The following CSF2RA variants were observed in gnomAD, a reference collection of about 807,000 sequenced individuals.
The protein encoded by CSF2RA is colony stimulating factor 2 receptor subunit alpha.
A neutral mutation model predicts 51.6 loss-of-function variants in CSF2RA; 42 were observed. The observed-to-expected ratio is 0.81, with a 90% confidence interval of 0.64 to 1.05. The LOEUF (loss-of-function observed/expected upper bound fraction) is 1.05. CSF2RA is among the 50% of genes least tolerant of loss of function. The pLI, the probability that CSF2RA is intolerant of heterozygous loss-of-function variation, is 0.00. For missense variants in CSF2RA, 530 were observed against 501.1 expected, an observed-to-expected ratio of 1.06 and a Z score of -0.55; for synonymous variants, 222 against 193.0, an observed-to-expected ratio of 1.15 and a Z score of -1.24.
chrX:1,287,797 C>T lies in CSF2RA; in HGVS notation c.220-722C>T, dbSNP rs756319347. ...TGTCACCCAGGCTGGAGTGCACTGG[C>T]GTGATCTCAGCTCACTGCAACCTGT... On this transcript the variant is annotated intron_variant, in intron 4 of 12. Transcript: ENST00000381529. 2.2e-4 allele frequency among the ~76,000 whole-genome samples: 30 copies of T among 134,492 alleles called. 2 individuals are homozygous for T. The South Asian group carries it at 3.9e-3, about 17-fold the overall frequency. 88.2% of individuals were successfully genotyped at this position (134,492 alleles called of 152,430 possible).
chrX:1,320,664 ATTTTTTTT>A, the CSF2RA span, among the ~76,000 whole-genome samples: 28 of 123,378 alleles, frequency 2.3e-4, no homozygotes, highest in African/African-American at 2.9e-4. Context: ...TGCCCAGCTA[ATTTTTTTT>A]TTTTTTTTTT....
At chrX:1,277,170 T>G (rs1201077558) in intron 2 of CSF2RA, among the ~76,000 whole-genome samples, 1 of 152,016 alleles carries the variant, frequency 6.6e-6, no homozygotes, top group African/African-American at 2.4e-5. Flanking sequence ...ACAGAAAGCT[T>G]AGAAGTCGCT....
rs1243694568 is a variant in CSF2RA at position 1,290,492 on chromosome X, T to C, written c.629T>C (p.Leu210Ser). 1 of 1,613,892 alleles carries C rather than the reference T, an allele frequency of 6.2e-7. No individual in the cohort carries two copies. The highest frequency in any genetic ancestry group is 8.5e-7 in the Non-Finnish European group (1 of 1,179,808). ...GGCATCCAATTCTTTGATTCACTTT[T>C]GGACACAAAGAAAATAGGTGAGAAT... ...EIGIQFFDSL[L>S]DTKKIERFNP... is the part of the protein sequence containing the mutation. Residue 210 changes from leucine to serine, a missense_variant, in exon 7 of 13, where the codon TTG (leucine) becomes TCG (serine). Leu to Ser is a moderately radical substitution (Grantham distance 145). Transcript: ENST00000381529.
At position 1,303,519 on chromosome X, in the gene CSF2RA, T is replaced by C. The variant is rs1474419866; in HGVS notation, c.947-404T>C. On this transcript the variant is annotated intron_variant, in intron 10 of 12. Transcript: ENST00000381529. ...CCTCCCAAAGTGCTGGGATGACAGGTGTGAGCCACCGTGCCTGGCCCAATT... is the reference window on the plus strand; with the variant it reads ...CCTCCCAAAGTGCTGGGATGACAGGCGTGAGCCACCGTGCCTGGCCCAATT... Among the ~76,000 whole-genome samples, 3 of 150,414 alleles carry C rather than the reference T, an allele frequency of 2.0e-5. No homozygotes were observed. In the South Asian group the frequency reaches 6.4e-4, roughly 32 times the overall value.
chrX:1,301,596 T>C (rs1157743367), intron 10 of CSF2RA, among the ~76,000 whole-genome samples: 1 of 25,986 alleles, frequency 3.8e-5, no homozygotes, highest in African/African-American at 1.1e-4. Context: ...TCTTTTTTTC[T>C]TTTTTTTTTT....
chrX:1,295,939 C>A lies in CSF2RA; in HGVS notation c.810+483C>A, dbSNP rs2091903987. Among the ~76,000 whole-genome samples, 2 of 151,148 alleles carry A rather than the reference C, an allele frequency of 1.3e-5. 1 individual carries two copies. Among genetic ancestry groups the A allele is most frequent in the African/African-American group, 4.9e-5 (2 of 40,974 alleles). On this transcript the variant is annotated intron_variant, in intron 9 of 12. Transcript: ENST00000381529. ...GACCTCCAGCGTAACCCTACAGTCC[C>A]CTACTCACCACATCTAGTGTAACTC...
At chrX:1,316,008 ATAG>A in the CSF2RA span, among the ~76,000 whole-genome samples, 1 of 124,680 alleles carries the variant, frequency 8.0e-6, no homozygotes, top group Non-Finnish European at 1.7e-5. Flanking sequence ...AGACAGATAG[ATAG>A]ATATATAGAT....
At chrX:1,272,644 C>T (rs1285042259) in intron 1 of CSF2RA, among the ~76,000 whole-genome samples, 11 of 151,564 alleles carry the variant, frequency 7.3e-5, no homozygotes, top group Non-Finnish European at 1.3e-4. Flanking sequence ...CCCGCCACTA[C>T]GCCCAGCTAA....
At chrX:1,296,679 T>A (rs1262017607) in intron 9 of CSF2RA, among the ~76,000 whole-genome samples, 1 of 39,902 alleles carries the variant, frequency 2.5e-5, no homozygotes, top group African/African-American at 9.6e-5. Context: ...CTCCTACCCA[T>A]GACCCCTGGA....
At chrX:1,286,827 G>T (rs1167927854) in intron 4 of CSF2RA, among the ~76,000 whole-genome samples, 1 of 152,104 alleles carries the variant, frequency 6.6e-6, no homozygotes, top group Non-Finnish European at 1.5e-5. Flanking sequence ...GGTGGAAGCA[G>T]GACGGAGAAA....
chrX:1,308,841 C>T (rs1157707766), intron 12 of CSF2RA, among the ~76,000 whole-genome samples: 1 of 152,146 alleles, frequency 6.6e-6, no homozygotes, highest in Non-Finnish European at 1.5e-5. Flanking sequence ...GTACCCTGCC[C>T]AGGTTTCATG....
intron 2 of CSF2RA, among the ~76,000 whole-genome samples, chrX:1,281,215 TCC>T: frequency 7.8e-6 from 1 of 128,490 alleles, no homozygotes; most frequent in East Asian, 3.3e-4. Flanking sequence ...CTCCTCCTTC[TCC>T]TACTCCTCCT....
the CSF2RA span, among the ~76,000 whole-genome samples, chrX:1,318,896 T>C: frequency 1.4e-5 from 2 of 140,872 alleles, no homozygotes; most frequent in Admixed American, 7.2e-5. Flanking sequence ...CAGCCTGGGT[T>C]ACAGAGCAAG....
At chrX:1,314,086 C>T (rs1156363373), downstream of CSF2RA, among the ~76,000 whole-genome samples, 74 of 152,232 alleles carry the variant, frequency 4.9e-4, no homozygotes, top group African/African-American at 1.8e-3. Flanking sequence ...ATGACTGAGG[C>T]CCCTGAAGGC....
At chrX:1,324,866 A>G in the CSF2RA span, among the ~76,000 whole-genome samples, 1 of 152,056 alleles carries the variant, frequency 6.6e-6, no homozygotes, top group African/African-American at 2.4e-5. Flanking sequence ...GAGGGAAAGA[A>G]AGGCAGGAAA....
intron 5 of CSF2RA, 33 bp from the exon 6 acceptor site, chrX:1,288,726 A>G (rs762410543): frequency 1.9e-6 from 3 of 1,613,912 alleles, no homozygotes; most frequent in Non-Finnish European, 2.5e-6. Context: ...TGAACTTCGG[A>G]GTGAAAATTA....
intron 12 of CSF2RA, 119 bp downstream of exon 12, chrX:1,305,646 C>A: frequency 6.2e-7 from 1 of 1,610,156 alleles, no homozygotes; most frequent in East Asian, 2.2e-5. Context: ...GCAGCGTCAC[C>A]ACCGGTGTGG....
At chrX:1,307,632 C>CCTT (rs1556579391) in intron 12 of CSF2RA, among the ~76,000 whole-genome samples, 1 of 145,474 alleles carries the variant, frequency 6.9e-6, no homozygotes, top group Admixed American at 6.8e-5. Context: ...CCACCCTCCC[C>CCTT]TTTATACCTT....
intron 8 of CSF2RA, among the ~76,000 whole-genome samples, chrX:1,294,799 C>A (rs1270639712): frequency 6.6e-6 from 1 of 152,118 alleles, no homozygotes; most frequent in African/African-American, 2.4e-5. Flanking sequence ...GGAGACCCTG[C>A]CCCATGTCTA....
Sources: gnomAD v4.1 joint callset for allele counts (sites outside exome capture counted in the v4.1 genomes callset) on GRCh38, gnomAD v4.1.1 for gene constraint, MANE v1.5 for transcripts, NCBI Gene and HGNC (gene_info 2026-07-23, HGNC 2026-07-21) for gene names.